Variants in INVS observed in about 807,000 individuals in gnomAD.
INVS encodes inversin.
Under a neutral mutation model 108.8 loss-of-function variants are expected in INVS, and 86 were observed. The observed-to-expected ratio is 0.79, with a 90% CI of 0.66 to 0.95. The LOEUF (loss-of-function observed/expected upper bound fraction) is 0.95, where lower values mean the gene tolerates loss of function less well. INVS is among the 40% of genes least tolerant of loss of function. The pLI, the probability that INVS is intolerant of heterozygous loss-of-function variation, is 0.00. For synonymous variants in INVS, 455 were observed against 473.5 expected (o/e 0.96, Z 0.51); for missense variants, 1,169 against 1,297.4 (o/e 0.90, Z 1.52).
chr9:100,189,151 C>G (rs938180835), intron 3 of INVS, among the ~76,000 whole-genome samples: 7 of 102,634 alleles, frequency 6.8e-5, no homozygotes, highest in Admixed American at 1.2e-4. Flanking sequence ...AATGGTCTAT[C>G]AATCTTGTTT....
At chr9:100,100,787 T>TATATATATAATATATGTATATATA (rs1826871192) in intron 1 of INVS, among the ~76,000 whole-genome samples, 1 of 2,622 alleles carries the variant, frequency 3.8e-4, no homozygotes, top group Non-Finnish European at 5.0e-4. Context: ...TAATATATAT[T>TATATATATAATATATGTATATATA]ATATATATAA....
chr9:100,250,370 G>GT (rs1482989992), intron 8 of INVS, among the ~76,000 whole-genome samples: 1 of 151,998 alleles, frequency 6.6e-6, no homozygotes, highest in Admixed American at 6.6e-5. Flanking sequence ...AAATTCTAGA[G>GT]TCATATCCTT....
intron 2 of INVS, chr9:100,116,683 A>G (rs968290493): frequency 2.2e-6 from 1 of 453,610 alleles, no homozygotes; most frequent in Non-Finnish European, 3.5e-6. Flanking sequence ...AAAGTTTTAT[A>G]TAGTTATAGG....
intron 3 of INVS, among the ~76,000 whole-genome samples, chr9:100,170,451 A>G (rs1829501501): frequency 6.6e-6 from 1 of 151,966 alleles, no homozygotes; most frequent in African/African-American, 2.4e-5. Flanking sequence ...CTGTGGTCCC[A>G]GCTACTTGGG....
chr9:100,163,447 G>C (rs940608186), intron 3 of INVS, among the ~76,000 whole-genome samples: 6 of 151,940 alleles, frequency 3.9e-5, no homozygotes, highest in Non-Finnish European at 5.9e-5. Flanking sequence ...CTAATCATAA[G>C]GTACTGCTCT....
chr9:100,167,047 A>G lies in INVS; in HGVS notation c.273+40498A>G, dbSNP rs143990326. ...GGAGTTCAAGACCAGCCTGGCCAAC[A>G]TGGCGAAACCCCATCTCTACTAAAA... is the stretch of plus-strand genomic sequence containing the variant. On this transcript the variant is annotated intron_variant, in intron 3 of 16. Transcript: ENST00000262457. Among the ~76,000 whole-genome samples the G allele has an allele frequency of 8.5e-3, 1,298 of 152,204 alleles. 7 individuals carry two copies. The highest frequency in any genetic ancestry group is 0.016 in the Non-Finnish European group (1,060 of 68,016).
chr9:100,298,260 T>C, intron 16 of INVS: 1 of 1,376,944 alleles, frequency 7.3e-7, no homozygotes, highest in South Asian at 1.5e-5. Context: ...TGATCACTTT[T>C]ACACATTTTT....
chr9:100,221,775 A>T (rs1564163982), intron 3 of INVS, among the ~76,000 whole-genome samples: 1 of 152,172 alleles, frequency 6.6e-6, no homozygotes, highest in Non-Finnish European at 1.5e-5. Context: ...GTCAACCATG[A>T]TCTAAAAATA....
chr9:100,277,329 C>T (rs563780926), intron 12 of INVS, among the ~76,000 whole-genome samples: 37 of 152,190 alleles, frequency 2.4e-4, no homozygotes, highest in Non-Finnish European at 3.5e-4. Context: ...TCAATGCTCC[C>T]GTGAACATCA....
At chr9:100,148,411 C>G (rs1419349930) in intron 3 of INVS, among the ~76,000 whole-genome samples, 1 of 151,956 alleles carries the variant, frequency 6.6e-6, no homozygotes, top group Admixed American at 6.6e-5. Context: ...AAAATGATGG[C>G]AGCAAAAAGG....
At chr9:100,168,553 G>A (rs1044275687) in intron 3 of INVS, among the ~76,000 whole-genome samples, 1 of 152,134 alleles carries the variant, frequency 6.6e-6, no homozygotes, top group South Asian at 2.1e-4. Flanking sequence ...CATGAGGAAC[G>A]TGAGCAGTTG....
chr9:100,297,194 A>G lies in INVS; in HGVS notation c.3016+48A>G, dbSNP rs7864494. 884,829 of 1,399,296 alleles carry G rather than the reference A, an allele frequency of 0.63. 285,741 individuals carry two copies. The highest frequency in any genetic ancestry group is 0.92 in the East Asian group (39,266 of 42,842). 86.7% of individuals were successfully genotyped at this position (1,399,296 alleles called of 1,614,324 possible). A position where few individuals can be genotyped will look rare whatever the true frequency, so the allele number is the denominator to read the frequency against. Reference sequence around the variant, plus strand: ...TGTAGTTCACAAGTACCCCCAGAGTACCACATCAGAATCTGAAGTAGAATT... The same window carrying G: ...TGTAGTTCACAAGTACCCCCAGAGTGCCACATCAGAATCTGAAGTAGAATT... On this transcript the variant is annotated intron_variant, in intron 15 of 16. Transcript: ENST00000262457.
intron 1 of INVS, chr9:100,102,428 C>T (rs1408518889): frequency 6.6e-6 from 1 of 152,102 alleles, no homozygotes; most frequent in Non-Finnish European, 1.5e-5. Flanking sequence ...ATACGATGTT[C>T]CAAGTAAGAT....
At chr9:100,205,434 G>A (rs982267085) in intron 3 of INVS, among the ~76,000 whole-genome samples, 2 of 152,014 alleles carry the variant, frequency 1.3e-5, no homozygotes, top group Non-Finnish European at 2.9e-5. Context: ...TTATGTCCAT[G>A]CCACAAACCT....
At chr9:100,143,529 T>C (rs1264231652) in intron 3 of INVS, among the ~76,000 whole-genome samples, 1 of 151,980 alleles carries the variant, frequency 6.6e-6, no homozygotes, top group Non-Finnish European at 1.5e-5. Context: ...GGGTGTCTTA[T>C]ACTTGTGGGT....
At chr9:100,245,344 A>G (rs931839098) in intron 7 of INVS, among the ~76,000 whole-genome samples, 4 of 152,152 alleles carry the variant, frequency 2.6e-5, no homozygotes, top group African/African-American at 9.7e-5. Flanking sequence ...CAATGATGCA[A>G]TCTCGGCTCA....
At chr9:100,205,518 A>G (rs934698818) in intron 3 of INVS, among the ~76,000 whole-genome samples, 2 of 152,124 alleles carry the variant, frequency 1.3e-5, no homozygotes, top group Non-Finnish European at 2.9e-5. Flanking sequence ...GATGAGAAGA[A>G]GGTGAATTAT....
At chr9:100,202,603 A>G (rs555955944) in intron 3 of INVS, among the ~76,000 whole-genome samples, 4 of 152,016 alleles carry the variant, frequency 2.6e-5, no homozygotes, top group East Asian at 1.9e-4. Context: ...CTTTCCGCAT[A>G]TCACTTGTCT....
chr9:100,121,323 A>G (rs972604305), intron 2 of INVS, among the ~76,000 whole-genome samples: 1 of 152,156 alleles, frequency 6.6e-6, no homozygotes, highest in Non-Finnish European at 1.5e-5. Flanking sequence ...GAGTGACATC[A>G]TAGTCCTGCC....
Sources: allele counts gnomAD v4.1 joint callset (sites outside exome capture counted in the v4.1 genomes callset), GRCh38; gene constraint gnomAD v4.1.1; transcripts MANE v1.5; gene names NCBI Gene and HGNC (gene_info 2026-07-23, HGNC 2026-07-21).